ANK3: variants seen among roughly 807,000 people sequenced by gnomAD.
ANK3 encodes the protein ankyrin-3.
ANK3 carries 57 observed loss-of-function variants against 370.9 expected under a neutral mutation model. The ratio of observed to expected loss-of-function variants is 0.15; its 90% CI spans 0.12 to 0.19. The LOEUF is 0.19. ANK3 is among the 10% of genes least tolerant of loss of function. The probability of loss-of-function intolerance (pLI) is 1.00; values close to 1 mark genes in which losing one functional copy is unlikely to be tolerated. For missense variants in ANK3, 4,439 were observed against 5,302.1 expected (o/e 0.84, Z 5.06); for synonymous variants, 1,929 against 1,946.3 (o/e 0.99, Z 0.23).
intron 4 of ANK3, among the ~76,000 whole-genome samples, chr10:60,277,276 A>T (rs2098105119): frequency 6.6e-6 from 1 of 152,200 alleles, no homozygotes; most frequent in Admixed American, 6.5e-5. Flanking sequence ...AATCCTGGTA[A>T]AATCAAGTGC....
At chr10:60,387,109 G>A (rs1045384439) in intron 1 of ANK3, among the ~76,000 whole-genome samples, 2 of 151,514 alleles carry the variant, frequency 1.3e-5, no homozygotes, top group African/African-American at 4.9e-5. Flanking sequence ...GCAGTGAGCC[G>A]AGATCATGCC....
At chr10:60,523,887 C>T (rs998937028) in intron 2 of ANK3, among the ~76,000 whole-genome samples, 6 of 152,088 alleles carry the variant, frequency 3.9e-5, no homozygotes, top group Non-Finnish European at 7.4e-5. Flanking sequence ...AAATGGGATG[C>T]TTACATTCTG....
intron 1 of ANK3, among the ~76,000 whole-genome samples, chr10:60,387,979 G>A (rs944151505): frequency 6.6e-6 from 1 of 152,082 alleles, no homozygotes; most frequent in African/African-American, 2.4e-5. Flanking sequence ...TTAGAAGCTA[G>A]TTTATCACGG....
At chr10:60,156,419 T>A (rs1022512288) in intron 23 of ANK3, among the ~76,000 whole-genome samples, 1 of 152,172 alleles carries the variant, frequency 6.6e-6, no homozygotes, top group Non-Finnish European at 1.5e-5. Flanking sequence ...TGGCTTGGAA[T>A]AAACATCAGC....
intron 9 of ANK3, among the ~76,000 whole-genome samples, chr10:60,213,166 T>A (rs1330303813): frequency 6.6e-6 from 1 of 152,054 alleles, no homozygotes; most frequent in East Asian, 1.9e-4. Flanking sequence ...CAGAGTAAAA[T>A]CAAGCAGTAA....
intron 2 of ANK3, among the ~76,000 whole-genome samples, chr10:60,603,666 T>C (rs1391593758): frequency 6.6e-6 from 1 of 152,150 alleles, no homozygotes; most frequent in African/African-American, 2.4e-5. Flanking sequence ...ATCAAACATG[T>C]TACGAAAACC....
chr10:60,649,905 C>T (rs540208982), intron 1 of ANK3, among the ~76,000 whole-genome samples: 98 of 152,252 alleles, frequency 6.4e-4, no homozygotes, highest in African/African-American at 1.9e-3. Context: ...AAATGTGTCA[C>T]CTTCAGATGG....
intron 2 of ANK3, among the ~76,000 whole-genome samples, chr10:60,546,414 T>C (rs1164711154): frequency 6.6e-6 from 1 of 152,218 alleles, no homozygotes; most frequent in Non-Finnish European, 1.5e-5. Context: ...CAATTCTTTA[T>C]TCCATTTTTA....
At chr10:60,176,766 T>A (rs115953229) in intron 18 of ANK3, among the ~76,000 whole-genome samples, 2,017 of 144,052 alleles carry the variant, frequency 0.014, 54 homozygotes, top group African/African-American at 0.054. Context: ...TCTCAAAAAA[T>A]AAATAAATAA....
At chr10:60,526,961 T>C (rs2076487565) in intron 2 of ANK3, among the ~76,000 whole-genome samples, 1 of 152,094 alleles carries the variant, frequency 6.6e-6, no homozygotes, top group Admixed American at 6.6e-5. Context: ...TGTGTGAATG[T>C]CCATGTTATA....
intron 1 of ANK3, among the ~76,000 whole-genome samples, chr10:60,297,509 T>C (rs570911951): frequency 3.3e-5 from 5 of 152,272 alleles, no homozygotes; most frequent in African/African-American, 9.6e-5. Context: ...GAAGACACAG[T>C]TTAATTTTTA....
At chr10:60,546,073 T>C (rs2133223774) in intron 2 of ANK3, among the ~76,000 whole-genome samples, 1 of 151,796 alleles carries the variant, frequency 6.6e-6, no homozygotes, top group Middle Eastern at 3.4e-3. Context: ...TCTCACTCTG[T>C]CACCCAGGCT....
chr10:60,284,526 G>T (rs1388725876), intron 1 of ANK3, among the ~76,000 whole-genome samples: 5 of 151,986 alleles, frequency 3.3e-5, no homozygotes, highest in African/African-American at 4.8e-5. Flanking sequence ...TCTAAGAAAG[G>T]GCTTAATACA....
Position 60,211,892 on chromosome 10 carries a change from C to CAAAAAAAAAAAAAAAAAAAAAA in ANK3, c.996+1519_996+1520insTTTTTTTTTTTTTTTTTTTTTT, listed in dbSNP as rs72238553. ...AAGCCTTCATTGTAAAATACAGAGC[C>CAAAAAAAAAAAAAAAAAAAAAA]AAAAAAAAAAAAAAAAAAAAAGGAA... is the stretch of plus-strand genomic sequence containing the variant. On this transcript the variant is annotated intron_variant, in intron 9 of 43. Transcript: ENST00000280772. 2.1e-5 allele frequency among the ~76,000 whole-genome samples: 2 copies of CAAAAAAAAAAAAAAAAAAAAAA among 93,400 alleles called. 1 individual carries two copies. Among genetic ancestry groups the CAAAAAAAAAAAAAAAAAAAAAA allele is most frequent in the Non-Finnish European group, 3.9e-5 (2 of 50,852 alleles). The allele number at this position is 93,400 out of a possible 152,430, so 61.3% of individuals were successfully genotyped here.
At chr10:60,095,406 G>C (rs934502230) in intron 28 of ANK3, among the ~76,000 whole-genome samples, 3 of 152,308 alleles carry the variant, frequency 2.0e-5, no homozygotes, top group Middle Eastern at 3.4e-3. Flanking sequence ...TTAGATACGA[G>C]GTTTCACTTT....
chr10:60,708,989 T>C (rs1050880244), intron 1 of ANK3, among the ~76,000 whole-genome samples: 6 of 152,212 alleles, frequency 3.9e-5, no homozygotes, highest in African/African-American at 1.4e-4. Context: ...ACCTGATTTC[T>C]AGCAAGATAA....
chr10:60,049,342 A>G (rs2077482234), intron 42 of ANK3, among the ~76,000 whole-genome samples: 1 of 152,236 alleles, frequency 6.6e-6, no homozygotes, highest in South Asian at 2.1e-4. Flanking sequence ...TAATCCCAGC[A>G]CTGTGGGAGG....
At chr10:60,339,290 G>A (rs1427830629) in intron 1 of ANK3, among the ~76,000 whole-genome samples, 1 of 152,146 alleles carries the variant, frequency 6.6e-6, no homozygotes, top group Non-Finnish European at 1.5e-5. Flanking sequence ...TGTTAATAGA[G>A]AGATAAAGCA....
intron 1 of ANK3, among the ~76,000 whole-genome samples, chr10:60,704,059 G>C (rs1417108832): frequency 1.3e-5 from 2 of 152,138 alleles, no homozygotes. Context: ...TTTGGAACCA[G>C]CTGCCACACT....
Sources: gnomAD v4.1 joint callset for allele counts (sites outside exome capture counted in the v4.1 genomes callset) on GRCh38, gnomAD v4.1.1 for gene constraint, MANE v1.5 for transcripts, NCBI Gene and HGNC (gene_info 2026-07-23, HGNC 2026-07-21) for gene names.